The following COL4A5 variants were observed in gnomAD, a reference collection of about 807,000 sequenced individuals.
The protein encoded by COL4A5 is collagen type IV alpha 5 chain.
COL4A5 carries 26 observed loss-of-function variants against 130.2 expected under a neutral mutation model. That is an observed-to-expected ratio of 0.20 (90% CI 0.15 to 0.28). COL4A5 has a LOEUF of 0.28. COL4A5 is among the 10% of genes least tolerant of loss of function. The pLI is 1.00. For missense variants in COL4A5, 1,131 were observed against 1,344.3 expected, an observed-to-expected ratio of 0.84 and a Z score of 2.48; for synonymous variants, 496 against 439.6, an observed-to-expected ratio of 1.13 and a Z score of -1.60.
At chrX:108,602,603 T>G (rs947988556) in intron 27 of COL4A5, among the ~76,000 whole-genome samples, 1 of 112,276 alleles carries the variant, frequency 8.9e-6, no homozygotes, top group African/African-American at 3.2e-5. Context: ...TTTTAGATCA[T>G]TTCCAAAATT....
intron 2 of COL4A5, among the ~76,000 whole-genome samples, chrX:108,542,253 C>T (rs779138490): frequency 2.8e-5 from 3 of 108,275 alleles, no homozygotes; most frequent in African/African-American, 1.0e-4. Flanking sequence ...TGCTATCCTT[C>T]CCCCCACCCC....
intron 44 of COL4A5, 47 bp from the exon 45 acceptor site, chrX:108,680,632 C>T: frequency 9.3e-7 from 1 of 1,077,619 alleles, no homozygotes; most frequent in South Asian, 1.9e-5. Context: ...TCACCTTCCT[C>T]CCCTCGCTGC....
chrX:108,456,888 T>G (rs2064589816), intron 1 of COL4A5, among the ~76,000 whole-genome samples: 1 of 111,786 alleles, frequency 8.9e-6, no homozygotes, highest in Non-Finnish European at 1.9e-5. Flanking sequence ...CTTAGTGTGA[T>G]TATATAAACA....
At chrX:108,507,906 C>T (rs939532246) in intron 1 of COL4A5, among the ~76,000 whole-genome samples, 1 of 111,781 alleles carries the variant, frequency 8.9e-6, no homozygotes, top group East Asian at 2.8e-4. Context: ...TAAGAGCTCT[C>T]TGTGACAAAC....
At chrX:108,460,647 G>C (rs1216331387) in intron 1 of COL4A5, among the ~76,000 whole-genome samples, 1 of 90,548 alleles carries the variant, frequency 1.1e-5, no homozygotes, top group Non-Finnish European at 2.1e-5. Flanking sequence ...CTGCCACCAC[G>C]CCTGGCAAAT....
rs1181892704 is a variant in COL4A5 at position 108,686,136 on chromosome X, C to T, written c.4315+7C>T. 4 of 1,185,934 alleles carry T rather than the reference C, an allele frequency of 3.4e-6. No homozygotes were observed. In the African/African-American group the frequency reaches 7.1e-5, roughly 21 times the overall value. On this transcript the variant is annotated splice_region_variant and intron_variant, in intron 48 of 52. Coordinates refer to ENST00000328300, the MANE Select transcript of COL4A5 (RefSeq NM_033380.3). ...GGTCTGCCAGGACAGCCAGGTAAGA[C>T]AAGTAAAACATGCTGTTGGTGGAGG...
At chrX:108,689,288 CT>C (rs2068607119) in intron 49 of COL4A5, 2 of 722,332 alleles carry the variant, frequency 2.8e-6, no homozygotes, top group Non-Finnish European at 3.3e-6. Context: ...CTATAAATTT[CT>C]TTTTTGTTCA....
chrX:108,498,046 T>C (rs2065049101), intron 1 of COL4A5, among the ~76,000 whole-genome samples: 1 of 111,688 alleles, frequency 9.0e-6, no homozygotes, highest in Non-Finnish European at 1.9e-5. Context: ...CTTTTATTAT[T>C]TGTGCTTTCT....
chrX:108,661,082 T>C (rs2067949166), intron 37 of COL4A5, among the ~76,000 whole-genome samples: 1 of 112,357 alleles, frequency 8.9e-6, no homozygotes, highest in Non-Finnish European at 1.9e-5. Flanking sequence ...GGCTCTGCTA[T>C]ACGGCCTAAA....
chrX:108,683,041 G>A (rs1325292155), intron 47 of COL4A5, among the ~76,000 whole-genome samples: 1 of 112,141 alleles, frequency 8.9e-6, no homozygotes, highest in Non-Finnish European at 1.9e-5. Flanking sequence ...TTACATTTAA[G>A]TCTTTAACTT....
In COL4A5 at chrX:108,690,002, TA is replaced by T. The variant is rs1219031549; in HGVS notation, c.4528+2309del. The T allele has an allele frequency of 5.3e-6, 4 of 751,796 alleles. No homozygotes were observed. The African/African-American group carries it at 9.2e-5, about 17-fold the overall frequency. 62.0% of individuals were successfully genotyped at this position (751,796 alleles called of 1,213,427 possible). ...CATCATTATGGGCCTTCCTTTTATT[TA>T]CCTTTCTTTTCCTTACGAGACTGGA... On this transcript the variant is annotated intron_variant, in intron 49 of 52. Coordinates refer to ENST00000328300, the MANE Select transcript of COL4A5 (RefSeq NM_033380.3).
intron 33 of COL4A5, among the ~76,000 whole-genome samples, chrX:108,623,871 G>A (rs1406383604): frequency 8.9e-6 from 1 of 111,953 alleles, no homozygotes; most frequent in Non-Finnish European, 1.9e-5. Context: ...TATGCTTCCT[G>A]TATAATAGGG....
intron 1 of COL4A5, among the ~76,000 whole-genome samples, chrX:108,505,265 C>A (rs1256347071): frequency 2.8e-5 from 3 of 105,873 alleles, no homozygotes; most frequent in African/African-American, 1.0e-4. Context: ...AAAAAAAAAA[C>A]TACATACTCA....
Position 108,581,025 on chromosome X carries a change from C to A in COL4A5, c.934C>A (p.Pro312Thr). 8.3e-7 allele frequency: 1 copy of A among 1,205,517 alleles called. No homozygotes were observed. Residue 312 changes from proline (P) to threonine (T), a missense_variant and splice_region_variant, in exon 16 of 53, where the codon CCT becomes ACT. By Grantham distance (38) the Pro-to-Thr change is conservative. Coordinates refer to ENST00000328300, the MANE Select transcript of COL4A5 (RefSeq NM_033380.3). Reference protein sequence around the residue: ...KDGENGQPGIPGLPGDPGYPG... With the variant: ...KDGENGQPGITGLPGDPGYPG... ...TGGAGAAAATGGCCAACCAGGAATT[C>A]CTGTAAGTAGCTAAGGTTCTTTCCC...
At chrX:108,516,479 A>G (rs1385714791) in intron 1 of COL4A5, among the ~76,000 whole-genome samples, 2 of 112,133 alleles carry the variant, frequency 1.8e-5, no homozygotes, top group Admixed American at 9.5e-5. Flanking sequence ...GTTTACATTT[A>G]TGGAACAGCT....
At chrX:108,527,892 A>G (rs2065342429) in intron 1 of COL4A5, among the ~76,000 whole-genome samples, 5 of 111,805 alleles carry the variant, frequency 4.5e-5, no homozygotes, top group Non-Finnish European at 7.5e-5. Flanking sequence ...TACCCAGCCC[A>G]TTGCAGCTAC....
intron 1 of COL4A5, among the ~76,000 whole-genome samples, chrX:108,535,740 A>T (rs1046520120): frequency 5.4e-5 from 6 of 111,505 alleles, no homozygotes; most frequent in Non-Finnish European, 1.1e-4. Context: ...TCCGGGAAAA[A>T]GTAGTTTCAT....
At chrX:108,551,474 A>G (rs1029140254) in intron 2 of COL4A5, among the ~76,000 whole-genome samples, 2 of 111,895 alleles carry the variant, frequency 1.8e-5, no homozygotes, top group Non-Finnish European at 3.8e-5. Context: ...CTCCGTTAAA[A>G]TGGCTATTAT....
intron 1 of COL4A5, among the ~76,000 whole-genome samples, chrX:108,457,066 G>A (rs1695670727): frequency 9.0e-6 from 1 of 111,467 alleles, no homozygotes; most frequent in African/African-American, 3.3e-5. Flanking sequence ...GTTTGGGGGA[G>A]GAAGAAGGAA....
Sources: gnomAD v4.1 joint callset for allele counts (sites outside exome capture counted in the v4.1 genomes callset) on GRCh38, gnomAD v4.1.1 for gene constraint, MANE v1.5 for transcripts, NCBI Gene and HGNC (gene_info 2026-07-23, HGNC 2026-07-21) for gene names.